The following MACROD2 variants were observed in gnomAD, a reference collection of about 807,000 sequenced individuals.
The protein encoded by MACROD2 is ADP-ribose glycohydrolase MACROD2.
A neutral mutation model predicts 70.4 loss-of-function variants in MACROD2; 36 were observed. The ratio of observed to expected loss-of-function variants is 0.51; its 90% CI spans 0.39 to 0.68. The LOEUF (loss-of-function observed/expected upper bound fraction) is 0.68, where lower values mean the gene tolerates loss of function less well. MACROD2 is among the 30% of genes least tolerant of loss of function. MACROD2 has a pLI of 0.00. For synonymous variants in MACROD2, 172 were observed against 178.8 expected, an observed-to-expected ratio of 0.96 and a Z score of 0.30; for missense variants, 496 against 538.4, an observed-to-expected ratio of 0.92 and a Z score of 0.78.
intron 6 of MACROD2, among the ~76,000 whole-genome samples, chr20:15,328,865 T>A (rs1262130616): frequency 6.6e-6 from 1 of 152,122 alleles, no homozygotes; most frequent in East Asian, 1.9e-4. Context: ...TGCCAAAAGA[T>A]ATTTACCAAA....
At chr20:14,215,519 A>AC (rs955877698) in intron 3 of MACROD2, among the ~76,000 whole-genome samples, 2 of 151,692 alleles carry the variant, frequency 1.3e-5, no homozygotes, top group African/African-American at 2.4e-5. Flanking sequence ...CTGGGTAGGT[A>AC]CCCCCCCAGT....
chr20:15,377,792 T>C (rs1247435487), intron 6 of MACROD2, among the ~76,000 whole-genome samples: 1 of 152,214 alleles, frequency 6.6e-6, no homozygotes, highest in Non-Finnish European at 1.5e-5. Flanking sequence ...AGAGAGTCTG[T>C]AGTGAGCCAC....
chr20:14,766,180 T>C (rs1457590690), intron 5 of MACROD2, among the ~76,000 whole-genome samples: 1 of 152,100 alleles, frequency 6.6e-6, no homozygotes, highest in African/African-American at 2.4e-5. Flanking sequence ...ATAGGTTTAT[T>C]CTCACGGGTA....
chr20:15,113,070 T>A (rs1406486756), intron 5 of MACROD2, among the ~76,000 whole-genome samples: 1 of 152,198 alleles, frequency 6.6e-6, no homozygotes, highest in East Asian at 1.9e-4. Context: ...CCAGTGTTTC[T>A]ATGAACATGA....
intron 8 of MACROD2, among the ~76,000 whole-genome samples, chr20:15,587,182 C>G (rs868747876): frequency 1.1e-4 from 17 of 152,084 alleles, no homozygotes; most frequent in Middle Eastern, 3.2e-3. Context: ...TACAAGGTGG[C>G]GGCAAGAGAA....
chr20:14,754,871 C>T lies in MACROD2; in HGVS notation c.418+69912C>T, dbSNP rs777602642. Among the ~76,000 whole-genome samples, 10 of 150,052 alleles carry T rather than the reference C, an allele frequency of 6.7e-5. 1 individual carries two copies. Among genetic ancestry groups the T allele is most frequent in the South Asian group, 6.3e-4 (3 of 4,758 alleles). On this transcript the variant is annotated intron_variant, in intron 5 of 17. Coordinates refer to ENST00000684519, the MANE Select transcript of MACROD2 (RefSeq NM_001351661.2). ...TTAAGGATCACAGTTTTTGTTAAGC[C>T]GAATACCCAACTTGAACAAATTTTC...
At chr20:14,883,582 T>TAGAC (rs1834793425) in intron 5 of MACROD2, among the ~76,000 whole-genome samples, 2 of 135,636 alleles carry the variant, frequency 1.5e-5, no homozygotes, top group African/African-American at 2.9e-5. Context: ...ATGAACTGTC[T>TAGAC]ATATCTGACT....
intron 8 of MACROD2, among the ~76,000 whole-genome samples, chr20:15,558,594 A>T (rs915967847): frequency 2.6e-5 from 4 of 152,178 alleles, no homozygotes; most frequent in African/African-American, 9.7e-5. Context: ...CATATGTTTC[A>T]TATGAAACCA....
chr20:14,124,070 C>T (rs1458436835), intron 3 of MACROD2, among the ~76,000 whole-genome samples: 1 of 151,930 alleles, frequency 6.6e-6, no homozygotes, highest in East Asian at 1.9e-4. Context: ...TTTCTTTGCT[C>T]CAAAAAGCAA....
intron 5 of MACROD2, among the ~76,000 whole-genome samples, chr20:14,811,624 A>G (rs962009605): frequency 6.6e-6 from 1 of 152,136 alleles, no homozygotes; most frequent in Admixed American, 6.6e-5. Flanking sequence ...AAAAGAAACT[A>G]TTATCAGAGT....
chr20:14,202,860 C>A (rs1172759687), intron 3 of MACROD2, among the ~76,000 whole-genome samples: 2 of 152,126 alleles, frequency 1.3e-5, no homozygotes, highest in Non-Finnish European at 2.9e-5. Flanking sequence ...ACCAGCCTGA[C>A]CAACATAGTG....
At chr20:15,751,758 A>G (rs1160344063) in intron 8 of MACROD2, among the ~76,000 whole-genome samples, 1 of 151,820 alleles carries the variant, frequency 6.6e-6, no homozygotes, top group Non-Finnish European at 1.5e-5. Context: ...TGACCAGAAG[A>G]TCCAGGAATG....
intron 9 of MACROD2, among the ~76,000 whole-genome samples, chr20:15,878,333 C>T (rs911319955): frequency 1.3e-5 from 2 of 152,074 alleles, no homozygotes; most frequent in Non-Finnish European, 2.9e-5. Context: ...CTTCAACAGG[C>T]CAATATTGGT....
intron 8 of MACROD2, among the ~76,000 whole-genome samples, chr20:15,743,270 C>T (rs2051131737): frequency 6.6e-6 from 1 of 152,130 alleles, no homozygotes. Flanking sequence ...CCCATGTGTA[C>T]CCCAATTACT....
chr20:15,530,048 A>G lies in MACROD2; in HGVS notation c.645+30201A>G, dbSNP rs185884354. Among the ~76,000 whole-genome samples, 39 of 152,340 alleles carry G rather than the reference A, an allele frequency of 2.6e-4. No homozygotes were observed. The East Asian group carries it at 7.3e-3, about 29-fold the overall frequency. ...AAATAAAGCTTGTATTTGAAACAGA[A>G]AAAATTAAGTGGAAGTAACTGATAA... On this transcript the variant is annotated intron_variant, in intron 8 of 17. Coordinates refer to ENST00000684519, the MANE Select transcript of MACROD2 (RefSeq NM_001351661.2).
At chr20:14,615,942 G>A (rs1983454817) in intron 4 of MACROD2, among the ~76,000 whole-genome samples, 2 of 152,216 alleles carry the variant, frequency 1.3e-5, no homozygotes, top group Admixed American at 1.3e-4. Context: ...GGTGGTGTGA[G>A]TGGTCAGTCA....
intron 8 of MACROD2, among the ~76,000 whole-genome samples, chr20:15,860,535 A>G (rs952144270): frequency 2.6e-5 from 4 of 152,082 alleles, no homozygotes; most frequent in Non-Finnish European, 4.4e-5. Context: ...CTGAGGGAGG[A>G]TAATGAGGCT....
intron 6 of MACROD2, among the ~76,000 whole-genome samples, chr20:15,275,056 T>G (rs2077378552): frequency 2.0e-5 from 3 of 150,126 alleles, no homozygotes; most frequent in African/African-American, 7.4e-5. Context: ...TGACTGGGGG[T>G]GGGGGAGGTG....
chr20:15,551,443 T>C (rs7272149), intron 8 of MACROD2, among the ~76,000 whole-genome samples: 16,933 of 152,122 alleles, frequency 0.11, 1,048 homozygotes, highest in Admixed American at 0.17. Flanking sequence ...ACCATAACTT[T>C]AGTGGACTTT....
Sources: gnomAD v4.1 joint callset for allele counts (sites outside exome capture counted in the v4.1 genomes callset) on GRCh38, gnomAD v4.1.1 for gene constraint, MANE v1.5 for transcripts, NCBI Gene and HGNC (gene_info 2026-07-23, HGNC 2026-07-21) for gene names.